The following C14orf39 variants were observed in gnomAD, a reference collection of about 807,000 sequenced individuals.
C14orf39 encodes protein SIX6OS1.
In C14orf39, 66 loss-of-function variants were observed where a neutral mutation model predicts 85.6. The observed-to-expected ratio is 0.77, with a 90% CI of 0.63 to 0.95. C14orf39 has a LOEUF of 0.95. Ranked by LOEUF, C14orf39 falls within the 40% of genes least tolerant of loss-of-function variation. C14orf39 has a pLI of 0.00. For synonymous variants in C14orf39, 242 were observed against 214.0 expected, an observed-to-expected ratio of 1.13 and a Z score of -1.14; for missense variants, 735 against 663.9, an observed-to-expected ratio of 1.11 and a Z score of -1.18.
intron 1 of C14orf39, among the ~76,000 whole-genome samples, chr14:60,514,829 G>C (rs907119967): frequency 2.6e-5 from 4 of 152,258 alleles, no homozygotes. Context: ...GGGGACGCGA[G>C]AGCGCGGACG....
chr14:60,508,410 T>C (rs542449460), intron 1 of C14orf39, among the ~76,000 whole-genome samples: 1 of 152,268 alleles, frequency 6.6e-6, no homozygotes, highest in African/African-American at 2.4e-5. Context: ...CCCCTTTATT[T>C]GGAGGTCCCT....
At chr14:60,475,570 T>C (rs754263577) in intron 5 of C14orf39, among the ~76,000 whole-genome samples, 5 of 152,160 alleles carry the variant, frequency 3.3e-5, no homozygotes, top group Non-Finnish European at 7.4e-5. Context: ...TCAGTATCCA[T>C]AAATAAAGTT....
At chr14:60,495,990 G>A in intron 2 of C14orf39, 1 of 492,288 alleles carries the variant, frequency 2.0e-6, no homozygotes. Flanking sequence ...TAGGACGAAG[G>A]GTATCAGTCC....
chr14:60,453,267 A>G (rs1231028207), intron 16 of C14orf39, among the ~76,000 whole-genome samples: 1 of 151,938 alleles, frequency 6.6e-6, no homozygotes, highest in African/African-American at 2.4e-5. Context: ...TGTGACTGTT[A>G]TATCTTCCTT....
intron 1 of C14orf39, among the ~76,000 whole-genome samples, chr14:60,504,922 C>A (rs1289412869): frequency 6.6e-6 from 1 of 152,174 alleles, no homozygotes; most frequent in South Asian, 2.1e-4. Flanking sequence ...TTAATCATCA[C>A]TGTGAAGTAG....
intron 17 of C14orf39, among the ~76,000 whole-genome samples, chr14:60,437,282 A>G (rs1000798117): frequency 1.3e-5 from 2 of 152,038 alleles, no homozygotes; most frequent in African/African-American, 4.8e-5. Context: ...ACTCTAGTAT[A>G]TAAAGAACTA....
chr14:60,512,766 A>G (rs1008740006), intron 1 of C14orf39: 1 of 152,242 alleles, frequency 6.6e-6, no homozygotes, highest in Admixed American at 6.5e-5. Flanking sequence ...TCTTTGCACT[A>G]AGAAAATAAA....
intron 7 of C14orf39, among the ~76,000 whole-genome samples, chr14:60,469,929 GTT>G (rs373485742): frequency 0.033 from 3,555 of 108,268 alleles, 83 homozygotes; most frequent in African/African-American, 0.11. Context: ...TCACAGGGTA[GTT>G]TTTTTTTTTT....
intron 1 of C14orf39, among the ~76,000 whole-genome samples, chr14:60,505,012 T>C (rs1420263057): frequency 6.6e-6 from 1 of 152,230 alleles, no homozygotes; most frequent in African/African-American, 2.4e-5. Context: ...TAAAATGTCA[T>C]TTAAAAATAG....
At chr14:60,507,461 T>C (rs1893220100) in intron 1 of C14orf39, among the ~76,000 whole-genome samples, 1 of 152,226 alleles carries the variant, frequency 6.6e-6, no homozygotes, top group Non-Finnish European at 1.5e-5. Context: ...CTCTTTATTT[T>C]GCCCCTGCCT....
chr14:60,455,945 T>C (rs565598339), intron 15 of C14orf39, among the ~76,000 whole-genome samples: 1 of 152,274 alleles, frequency 6.6e-6, no homozygotes, highest in South Asian at 2.1e-4. Context: ...TTACAGATGA[T>C]AGTTTTCTCA....
rs912064836 is a variant in C14orf39 at position 60,468,273 on chromosome 14, T to C, written c.767+172A>G. Reference sequence around the variant, plus strand: ...CTAAATAACAAGCAGATTTTAGTATTAGCTCATAATATTTAATAATATTTT... The same window carrying C: ...CTAAATAACAAGCAGATTTTAGTATCAGCTCATAATATTTAATAATATTTT... On this transcript the variant is annotated intron_variant, in intron 9 of 17. Coordinates refer to ENST00000321731, the MANE Select transcript of C14orf39 (RefSeq NM_174978.3). Among the ~76,000 whole-genome samples, 3 of 62,904 alleles carry C rather than the reference T, an allele frequency of 4.8e-5. No homozygotes were observed. The Admixed American group carries it at 6.7e-4, about 14-fold the overall frequency. 41.3% of individuals were successfully genotyped at this position (62,904 alleles called of 152,430 possible). A position where few individuals can be genotyped will look rare whatever the true frequency, so the allele number is the denominator to read the frequency against.
chr14:60,489,948 A>C (rs1248918280), upstream of C14orf39, among the ~76,000 whole-genome samples: 8 of 152,202 alleles, frequency 5.3e-5, no homozygotes, highest in East Asian at 1.3e-3. Flanking sequence ...GATGACAATG[A>C]CCTCATGACA....
intron 14 of C14orf39, 37 bp downstream of exon 14, chr14:60,458,641 T>G: frequency 6.9e-7 from 1 of 1,457,352 alleles, no homozygotes. Context: ...AAATTGGAAT[T>G]TTTGCTTAGA....
intron 11 of C14orf39, among the ~76,000 whole-genome samples, chr14:60,463,011 T>G (rs1422425953): frequency 6.6e-6 from 1 of 152,142 alleles, no homozygotes; most frequent in East Asian, 1.9e-4. Flanking sequence ...TTGCTAAGTA[T>G]ATACATTTTT....
chr14:60,448,898 C>T (rs1396998921), intron 16 of C14orf39, among the ~76,000 whole-genome samples: 2 of 152,168 alleles, frequency 1.3e-5, no homozygotes, highest in Non-Finnish European at 2.9e-5. Context: ...GACATGGATG[C>T]AGCTGGAAAC....
intron 5 of C14orf39, among the ~76,000 whole-genome samples, chr14:60,476,337 A>G (rs751107026): frequency 6.6e-6 from 1 of 152,330 alleles, no homozygotes; most frequent in South Asian, 2.1e-4. Flanking sequence ...AGCCTAGCAT[A>G]GCTAAGTCAT....
At chr14:60,437,201 C>G (rs1426007851) in intron 17 of C14orf39, among the ~76,000 whole-genome samples, 154 bp from the exon 18 acceptor site, 1 of 151,922 alleles carries the variant, frequency 6.6e-6, no homozygotes, top group African/African-American at 2.4e-5. Context: ...CTCTTAAGTG[C>G]AAGGCATTGT....
At chr14:60,511,403 C>T in intron 1 of C14orf39, 1 of 947,862 alleles carries the variant, frequency 1.1e-6, no homozygotes, top group South Asian at 1.4e-5. Context: ...GTTTCCCGCC[C>T]CACCCCGCGG....
Sources: gnomAD v4.1 joint callset for allele counts (sites outside exome capture counted in the v4.1 genomes callset) on GRCh38, gnomAD v4.1.1 for gene constraint, MANE v1.5 for transcripts, NCBI Gene and HGNC (gene_info 2026-07-23, HGNC 2026-07-21) for gene names.